DYNC2LI1: variants seen among roughly 807,000 people sequenced by gnomAD.
DYNC2LI1 encodes the protein dynein cytoplasmic 2 light intermediate chain 1, also known as cytoplasmic dynein 2 light intermediate chain 1.
In DYNC2LI1, 45 loss-of-function variants were observed where a neutral mutation model predicts 51.9. The observed-to-expected ratio is 0.87, with a 90% CI of 0.68 to 1.11. The LOEUF is 1.11. Among genes scored for constraint, DYNC2LI1 ranks in the 50% most tolerant of loss-of-function variants. The pLI, the probability that DYNC2LI1 is intolerant of heterozygous loss-of-function variation, is 0.00. For synonymous variants in DYNC2LI1, 130 were observed against 137.8 expected (o/e 0.94, Z 0.40); for missense variants, 490 against 417.4 (o/e 1.17, Z -1.51).
At chr2:43,817,939 G>A in the DYNC2LI1 span, among the ~76,000 whole-genome samples, 1 of 151,856 alleles carries the variant, frequency 6.6e-6, no homozygotes, top group Non-Finnish European at 1.5e-5. Flanking sequence ...AAAAACACAT[G>A]TAAGACACCT....
chr2:43,820,522 C>T, the DYNC2LI1 span, among the ~76,000 whole-genome samples: 1 of 152,234 alleles, frequency 6.6e-6, no homozygotes, highest in South Asian at 2.1e-4. Flanking sequence ...CCCTGAACCT[C>T]ATCTCTGTTA....
chr2:43,799,450 C>T (rs1233836839), intron 8 of DYNC2LI1, among the ~76,000 whole-genome samples: 3 of 152,136 alleles, frequency 2.0e-5, no homozygotes, highest in African/African-American at 7.2e-5. Flanking sequence ...TGTGATAACT[C>T]TCTAATATAG....
chr2:43,810,539 T>C, downstream of DYNC2LI1: 1 of 982,616 alleles, frequency 1.0e-6, no homozygotes, highest in Non-Finnish European at 1.2e-6. Context: ...GTATAATTGC[T>C]ATGATTAAAA....
chr2:43,788,017 A>G (rs78061778), intron 4 of DYNC2LI1, among the ~76,000 whole-genome samples: 4,450 of 152,298 alleles, frequency 0.029, 101 homozygotes, highest in Middle Eastern at 0.044. Flanking sequence ...ACTGAAATTT[A>G]AAGAAAAAAA....
the DYNC2LI1 span, among the ~76,000 whole-genome samples, chr2:43,827,622 C>T: frequency 2.0e-5 from 3 of 152,172 alleles, no homozygotes; most frequent in African/African-American, 7.2e-5. Context: ...ATTTCATGAA[C>T]ACCTGTGGTC....
chr2:43,794,341 G>GT (rs139025014), intron 5 of DYNC2LI1, 116 bp from the exon 6 acceptor site: 11,946 of 1,110,894 alleles, frequency 0.011, 143 homozygotes, highest in African/African-American at 0.066. Context: ...TAATGCTACG[G>GT]TTTTTTTTTC....
At chr2:43,786,506 T>C (rs1673527002) in intron 3 of DYNC2LI1, among the ~76,000 whole-genome samples, 1 of 152,222 alleles carries the variant, frequency 6.6e-6, no homozygotes, top group South Asian at 2.1e-4. Context: ...TGTTTTAAAT[T>C]GACAGTCATT....
At chr2:43,785,894 T>TA (rs1673502847) in intron 3 of DYNC2LI1, among the ~76,000 whole-genome samples, 1 of 151,874 alleles carries the variant, frequency 6.6e-6, no homozygotes, top group Non-Finnish European at 1.5e-5. Context: ...GAATATTAGT[T>TA]ACATAACAAC....
the DYNC2LI1 span, chr2:43,823,797 G>A: frequency 2.0e-5 from 24 of 1,219,562 alleles, no homozygotes; most frequent in Admixed American, 3.3e-4. Context: ...AACCTGGAGA[G>A]GGCTGGGTTT....
chr2:43,790,516 G>A (rs1673730471), intron 5 of DYNC2LI1, among the ~76,000 whole-genome samples: 1 of 151,612 alleles, frequency 6.6e-6, no homozygotes, highest in African/African-American at 2.4e-5. Flanking sequence ...TTCTAGAACT[G>A]GCTGGATACG....
intron 8 of DYNC2LI1, among the ~76,000 whole-genome samples, chr2:43,797,844 A>G (rs1305290385): frequency 6.6e-6 from 1 of 152,162 alleles, no homozygotes; most frequent in Non-Finnish European, 1.5e-5. Flanking sequence ...AAAAATTTCC[A>G]GCTGGGTGCA....
downstream of DYNC2LI1, among the ~76,000 whole-genome samples, chr2:43,810,934 C>A (rs1184079469): frequency 2.6e-5 from 4 of 152,124 alleles, no homozygotes; most frequent in Admixed American, 6.5e-5. Flanking sequence ...CATCACTGTC[C>A]ATTTTTGACT....
intron 3 of DYNC2LI1, among the ~76,000 whole-genome samples, chr2:43,785,691 G>A (rs1004158465): frequency 6.7e-6 from 1 of 149,678 alleles, no homozygotes; most frequent in Non-Finnish European, 1.5e-5. Context: ...CCAAGATTGT[G>A]CCACTGCAAA....
intron 2 of DYNC2LI1, among the ~76,000 whole-genome samples, chr2:43,779,234 C>G (rs954708658): frequency 2.0e-5 from 3 of 152,098 alleles, no homozygotes; most frequent in African/African-American, 7.2e-5. Flanking sequence ...CCACTACACT[C>G]TAGCCTGGGC....
the DYNC2LI1 span, chr2:43,822,959 G>A: frequency 6.2e-7 from 1 of 1,612,982 alleles, no homozygotes; most frequent in East Asian, 2.2e-5. Flanking sequence ...GCAGGTTTCA[G>A]AACAGTCAGT....
intron 12 of DYNC2LI1, among the ~76,000 whole-genome samples, chr2:43,808,639 A>G (rs899490089): frequency 6.6e-6 from 1 of 152,220 alleles, no homozygotes; most frequent in Non-Finnish European, 1.5e-5. Context: ...TAAAGGTAAG[A>G]TATACTCCTT....
intron 11 of DYNC2LI1, 136 bp downstream of exon 11, chr2:43,804,875 A>C: frequency 1.7e-6 from 1 of 592,846 alleles, no homozygotes; most frequent in Non-Finnish European, 2.8e-6. Flanking sequence ...TTTGCTGAAA[A>C]TGTAAATAGG....
the DYNC2LI1 span, chr2:43,824,384 G>A: frequency 6.2e-7 from 1 of 1,614,134 alleles, no homozygotes. Flanking sequence ...TCTCTTGGAG[G>A]TTTCTATTTC....
intron 3 of DYNC2LI1, among the ~76,000 whole-genome samples, chr2:43,785,505 G>A (rs763338645): frequency 1.3e-5 from 2 of 151,566 alleles, no homozygotes; most frequent in Non-Finnish European, 2.9e-5. Flanking sequence ...AGGCCGAGGC[G>A]GGCATATCAT....
Sources: gnomAD v4.1 joint callset for allele counts (sites outside exome capture counted in the v4.1 genomes callset) on GRCh38, gnomAD v4.1.1 for gene constraint, MANE v1.5 for transcripts, NCBI Gene and HGNC (gene_info 2026-07-23, HGNC 2026-07-21) for gene names.